FAF1: variants seen among roughly 807,000 people sequenced by gnomAD.
FAF1 encodes Fas associated factor 1, also known as FAS-associated factor 1.
Under a neutral mutation model 92.5 loss-of-function variants are expected in FAF1, and 25 were observed. The observed-to-expected ratio is 0.27, with a 90% CI of 0.20 to 0.38. The LOEUF is 0.38. Among genes scored for constraint, FAF1 ranks in the 10% least tolerant of loss-of-function variants. FAF1 has a pLI of 1.00. For synonymous variants in FAF1, 234 were observed against 273.2 expected, an observed-to-expected ratio of 0.86 and a Z score of 1.42; for missense variants, 636 against 793.3, an observed-to-expected ratio of 0.80 and a Z score of 2.38.
intron 2 of FAF1, among the ~76,000 whole-genome samples, chr1:50,839,922 A>G (rs2124643081): frequency 6.6e-6 from 1 of 152,176 alleles, no homozygotes; most frequent in Non-Finnish European, 1.5e-5. Context: ...GAACAAACCC[A>G]TTCCTCAAAG....
intron 18 of FAF1, among the ~76,000 whole-genome samples, chr1:50,472,008 G>A (rs1234919344): frequency 6.6e-6 from 1 of 152,096 alleles, no homozygotes; most frequent in East Asian, 1.9e-4. Context: ...ATAAGGAAGT[G>A]GCACAGAGGA....
chr1:50,594,826 G>A (rs1426292390), intron 9 of FAF1, among the ~76,000 whole-genome samples: 3 of 147,266 alleles, frequency 2.0e-5, no homozygotes, highest in Non-Finnish European at 3.0e-5. Context: ...AGCCGAGATC[G>A]CTCCATTGCA....
intron 1 of FAF1, among the ~76,000 whole-genome samples, chr1:50,888,524 G>A (rs897352071): frequency 2.6e-5 from 4 of 152,182 alleles, no homozygotes; most frequent in Admixed American, 2.0e-4. Context: ...GTCATAAACA[G>A]CTCTTATTAT....
chr1:50,776,475 C>A (rs1660966446), intron 4 of FAF1, among the ~76,000 whole-genome samples: 1 of 152,124 alleles, frequency 6.6e-6, no homozygotes, highest in South Asian at 2.1e-4. Context: ...CATACATAAT[C>A]CAGAGAAGCC....
intron 1 of FAF1, among the ~76,000 whole-genome samples, chr1:50,931,639 G>A (rs1230588967): frequency 3.3e-5 from 5 of 151,954 alleles, no homozygotes; most frequent in African/African-American, 7.3e-5. Context: ...AGGCTGAGGC[G>A]GGTGGATCAC....
chr1:50,472,364 A>AACATAC (rs1244484299), intron 18 of FAF1, among the ~76,000 whole-genome samples: 1 of 90,100 alleles, frequency 1.1e-5, no homozygotes, highest in Non-Finnish European at 2.3e-5. Flanking sequence ...AATTGGGGAA[A>AACATAC]ACATACACAC....
At chr1:50,472,063 T>G (rs760046285) in intron 18 of FAF1, among the ~76,000 whole-genome samples, 4 of 151,642 alleles carry the variant, frequency 2.6e-5, no homozygotes, top group Non-Finnish European at 5.9e-5. Flanking sequence ...GTGGCATGAG[T>G]GATAATCAGC....
At chr1:50,597,455 T>A (rs1475135973) in intron 8 of FAF1, among the ~76,000 whole-genome samples, 1 of 151,660 alleles carries the variant, frequency 6.6e-6, no homozygotes, top group African/African-American at 2.4e-5. Context: ...TATAAAAAAA[T>A]GCCCATAGAA....
chr1:50,495,864 C>T (rs558886775), intron 15 of FAF1, among the ~76,000 whole-genome samples: 1 of 152,246 alleles, frequency 6.6e-6, no homozygotes, highest in South Asian at 2.1e-4. Flanking sequence ...AGAATTTAAA[C>T]ACAGTCATTC....
intron 1 of FAF1, among the ~76,000 whole-genome samples, chr1:50,878,921 CT>C (rs756303897): frequency 2.6e-5 from 4 of 152,140 alleles, no homozygotes; most frequent in African/African-American, 9.7e-5. Context: ...CTCTGTCTCT[CT>C]TGTTAAATGT....
chr1:50,826,380 G>A (rs951572420), intron 2 of FAF1, among the ~76,000 whole-genome samples: 23 of 151,672 alleles, frequency 1.5e-4, no homozygotes, highest in Middle Eastern at 3.2e-3. Context: ...GTGAAACCCC[G>A]TCTCTACTAA....
intron 12 of FAF1, chr1:50,582,314 C>A: frequency 3.4e-6 from 1 of 295,398 alleles, no homozygotes; most frequent in East Asian, 5.8e-5. Context: ...ATTAATGTCC[C>A]TTGTGAAATG....
intron 18 of FAF1, among the ~76,000 whole-genome samples, chr1:50,450,469 C>CCTA (rs1439176914): frequency 6.6e-6 from 1 of 152,140 alleles, no homozygotes; most frequent in East Asian, 1.9e-4. Context: ...CAACTTCTGA[C>CCTA]CTACTTCTAA....
chr1:50,492,094 C>T (rs1225191910), intron 15 of FAF1, among the ~76,000 whole-genome samples: 1 of 152,132 alleles, frequency 6.6e-6, no homozygotes, highest in Non-Finnish European at 1.5e-5. Context: ...TAATATTTGT[C>T]TTATAGGGTC....
chr1:50,920,017 G>A (rs200111683), intron 1 of FAF1, among the ~76,000 whole-genome samples: 1 of 152,026 alleles, frequency 6.6e-6, no homozygotes, highest in East Asian at 1.9e-4. Flanking sequence ...CAAAACATGT[G>A]CAGGCCAGGC....
At chr1:50,462,729 G>C (rs1348056288) in intron 18 of FAF1, among the ~76,000 whole-genome samples, 1 of 152,106 alleles carries the variant, frequency 6.6e-6, no homozygotes, top group Non-Finnish European at 1.5e-5. Context: ...ATGATGTCTT[G>C]AAAATCTCCT....
intron 2 of FAF1, among the ~76,000 whole-genome samples, chr1:50,852,312 C>T (rs1279982782): frequency 6.6e-6 from 1 of 152,134 alleles, no homozygotes; most frequent in Non-Finnish European, 1.5e-5. Context: ...ACAGCAAAGA[C>T]GTTCAAATAT....
intron 8 of FAF1, among the ~76,000 whole-genome samples, chr1:50,644,318 G>A (rs1654479969): frequency 6.6e-6 from 1 of 152,240 alleles, no homozygotes; most frequent in Non-Finnish European, 1.5e-5. Context: ...TCTACAATGT[G>A]TAGTTGGAAG....
intron 6 of FAF1, among the ~76,000 whole-genome samples, chr1:50,722,474 C>T (rs1222394616): frequency 6.6e-6 from 1 of 152,016 alleles, no homozygotes; most frequent in South Asian, 2.1e-4. Flanking sequence ...TGGTGAAACT[C>T]GGTCTCTACT....
Sources: gnomAD v4.1 joint callset for allele counts (sites outside exome capture counted in the v4.1 genomes callset) on GRCh38, gnomAD v4.1.1 for gene constraint, MANE v1.5 for transcripts, NCBI Gene and HGNC (gene_info 2026-07-23, HGNC 2026-07-21) for gene names.